ARID3A: variants seen among roughly 807,000 people sequenced by gnomAD.
ARID3A encodes the protein AT-rich interactive domain-containing protein 3A.
In ARID3A, 11 loss-of-function variants were observed where a neutral mutation model predicts 52.7. The ratio of observed to expected loss-of-function variants is 0.21; its 90% CI spans 0.13 to 0.35. The LOEUF (loss-of-function observed/expected upper bound fraction) is 0.35, where lower values mean the gene tolerates loss of function less well. Among genes scored for constraint, ARID3A ranks in the 10% least tolerant of loss-of-function variants. ARID3A has a pLI of 1.00. For missense variants in ARID3A, 721 were observed against 838.5 expected (o/e 0.86, Z 1.73); for synonymous variants, 404 against 359.4 (o/e 1.12, Z -1.40).
At chr19:951,309 C>G (rs2037798907) in intron 3 of ARID3A, among the ~76,000 whole-genome samples, 1 of 151,686 alleles carries the variant, frequency 6.6e-6, no homozygotes, top group African/African-American at 2.4e-5. Flanking sequence ...GTAATCCCAG[C>G]ACTTTGGGAG....
At chr19:971,406 G>A (rs1010616280) in intron 8 of ARID3A, among the ~76,000 whole-genome samples, 1 of 152,190 alleles carries the variant, frequency 6.6e-6, no homozygotes, top group African/African-American at 2.4e-5. Context: ...GAGGTCAGGA[G>A]TTGGAGACCA....
rs1012711103 is a variant in ARID3A at position 972,137 on chromosome 19, A to G, written c.*72A>G. 2.4e-5 allele frequency: 33 copies of G among 1,398,906 alleles called. No homozygotes were observed. Among genetic ancestry groups the G allele is most frequent in the Admixed American group, 1.0e-4 (3 of 29,574 alleles). 86.7% of individuals were successfully genotyped at this position (1,398,906 alleles called of 1,614,324 possible). A position where few individuals can be genotyped will look rare whatever the true frequency, so the allele number is the denominator to read the frequency against. On this transcript the variant is annotated 3_prime_UTR_variant, in exon 9 of 9. Transcript: ENST00000263620. Reference sequence around the variant, plus strand: ...GGCAGGGGGTCCAGGTGGGCCACACAGGGGCCAGGATGGCGGAAGATACGG... The same window carrying G: ...GGCAGGGGGTCCAGGTGGGCCACACGGGGGCCAGGATGGCGGAAGATACGG...
In ARID3A at chr19:942,156, G is replaced by A. The variant is rs1032318473; in HGVS notation, c.693+9414G>A. 6.6e-6 allele frequency among the ~76,000 whole-genome samples: 1 copy of A among 152,142 alleles called. No homozygotes were observed. Among genetic ancestry groups the A allele is most frequent in the Non-Finnish European group, 1.5e-5 (1 of 68,014 alleles). ...CAGTGGCCACCGAGCTATGGACAGG[G>A]CCGCTGGGGGTGCACCCCCACCCTC... On this transcript the variant is annotated intron_variant, in intron 3 of 8. Transcript: ENST00000263620. This position sits in a 1 kb window ranked among gnomAD's most constrained non-coding sequence, Gnocchi z 8.1.
intron 4 of ARID3A, among the ~76,000 whole-genome samples, chr19:961,132 G>T (rs558144137): frequency 1.1e-4 from 16 of 152,306 alleles, no homozygotes; most frequent in African/African-American, 2.6e-4. Flanking sequence ...CTGTTCAGAC[G>T]GGGGAGGAGG....
In ARID3A at chr19:932,433, G is replaced by A; in HGVS notation, c.384G>A (p.Glu128=). 6.3e-7 allele frequency: 1 copy of A among 1,592,390 alleles called. No homozygotes were observed. The highest frequency in any genetic ancestry group is 1.1e-5 in the South Asian group (1 of 88,810). ...ASDEDMKPKW[E]EEEMEEDLGE... ...CTCACCCCAGGAAGCCCAAATGGGA[G>A]GAGGAGGAGATGGAGGAAGACCTCG... Residue 128 remains glutamate, a synonymous_variant, in exon 3 of 9, where the codon GAG becomes GAA. Transcript: ENST00000263620.
At position 947,279 on chromosome 19, in the gene ARID3A, C is replaced by T. The variant is rs568686806; in HGVS notation, c.694-12813C>T. Among the ~76,000 whole-genome samples, 27 of 152,276 alleles carry T rather than the reference C, an allele frequency of 1.8e-4. 1 individual carries two copies. In the South Asian group the frequency reaches 1.9e-3, roughly 11 times the overall value. On this transcript the variant is annotated intron_variant, in intron 3 of 8. Transcript: ENST00000263620. The surrounding 1 kb of genome is among the most constrained non-coding windows in gnomAD (Gnocchi z 6.3). ...GGCTGCTTAAGGCCAGTGCCCTCGG[C>T]GGAGACTCTATTAGGGACTGCGGGC...
At position 941,779 on chromosome 19, in the gene ARID3A, CTGTGTG is replaced by C. The variant is rs34643064; in HGVS notation, c.693+9061_693+9066del. Among the ~76,000 whole-genome samples the C allele has an allele frequency of 1.8e-4, 26 of 146,264 alleles. No homozygotes were observed. Among genetic ancestry groups the C allele is most frequent in the South Asian group, 4.4e-4 (2 of 4,562 alleles). On this transcript the variant is annotated intron_variant, in intron 3 of 8. Transcript: ENST00000263620. The surrounding 1 kb of genome is among the most constrained non-coding windows in gnomAD (Gnocchi z 6.9). ...TCTCTTGTGTTTTGTGTGGATGTGG[CTGTGTG>C]TGTGTGTGTGTGTGTGTGTGTGTCA...
At chr19:927,321 G>C (rs530534115) in intron 1 of ARID3A, among the ~76,000 whole-genome samples, 302 of 148,910 alleles carry the variant, frequency 2.0e-3, no homozygotes, top group African/African-American at 7.2e-3. Flanking sequence ...CTTGGGGGGA[G>C]GGGTCTGAAG....
intron 3 of ARID3A, among the ~76,000 whole-genome samples, chr19:950,364 GA>G (rs2037780031): frequency 6.3e-5 from 4 of 63,142 alleles, no homozygotes; most frequent in South Asian, 5.1e-4. Flanking sequence ...ACGGATGGAT[GA>G]GGCCGTCCCC....
intron 3 of ARID3A, among the ~76,000 whole-genome samples, chr19:957,120 G>T (rs949585171): frequency 1.2e-4 from 19 of 152,184 alleles, no homozygotes; most frequent in African/African-American, 4.6e-4. Flanking sequence ...GGGTGGGGGG[G>T]GGCGCTGGGG....
chr19:965,991 C>CAAA (rs35807859), intron 6 of ARID3A, among the ~76,000 whole-genome samples: 2 of 106,584 alleles, frequency 1.9e-5, no homozygotes, highest in East Asian at 2.8e-4. Flanking sequence ...GACTCCGTGT[C>CAAA]AAAAAAAAAA....
In ARID3A at chr19:944,548, G is replaced by A. The variant is rs567075139; in HGVS notation, c.693+11806G>A. Among the ~76,000 whole-genome samples the A allele has an allele frequency of 1.3e-5, 2 of 152,252 alleles. No individual in the cohort carries two copies. Among genetic ancestry groups the A allele is most frequent in the East Asian group, 3.9e-4 (2 of 5,172 alleles). ...ATGTGGGTCTTCCGGGCAAGTGAGC[G>A]TCCCCCACCCAGGACCCCCGACCCC... On this transcript the variant is annotated intron_variant, in intron 3 of 8. Transcript: ENST00000263620. This position sits in a 1 kb window ranked among gnomAD's most constrained non-coding sequence, Gnocchi z 5.9.
rs115840234 is a variant in ARID3A at position 941,088 on chromosome 19, G to A, written c.693+8346G>A. 0.014 allele frequency among the ~76,000 whole-genome samples: 2,062 copies of A among 152,224 alleles called. 52 individuals carry two copies. The highest frequency in any genetic ancestry group is 0.044 in the African/African-American group (1,838 of 41,544). ...GCGGCCTGGCCCCACGCCCACCGCC[G>A]GCGTCCCACCCTGGTGGCTGCTGCC... On this transcript the variant is annotated intron_variant, in intron 3 of 8. Transcript: ENST00000263620. This position sits in a 1 kb window ranked among gnomAD's most constrained non-coding sequence, Gnocchi z 6.9.
In ARID3A at chr19:941,731, C is replaced by T. The variant is rs62132348; in HGVS notation, c.693+8989C>T. On this transcript the variant is annotated intron_variant, in intron 3 of 8. Transcript: ENST00000263620. The surrounding 1 kb of genome is among the most constrained non-coding windows in gnomAD (Gnocchi z 6.9). ...TCTCTGAAAGTGCTGGGATTACAGG[C>T]GTGAGCTGCTGTGCCGGACTGGTCT... is the stretch of plus-strand genomic sequence containing the variant. 0.084 allele frequency among the ~76,000 whole-genome samples: 12,753 copies of T among 151,748 alleles called. 635 individuals carry two copies. Among genetic ancestry groups the T allele is most frequent in the East Asian group, 0.27 (1,360 of 5,116 alleles).
chr19:943,981 G>GCT (rs2037616220), intron 3 of ARID3A, among the ~76,000 whole-genome samples: 1 of 151,038 alleles, frequency 6.6e-6, no homozygotes, highest in African/African-American at 2.4e-5. Flanking sequence ...CCTGCTGTAT[G>GCT]CCAGCCCGAC....
chr19:945,444 G>T (rs1186923257), intron 3 of ARID3A, among the ~76,000 whole-genome samples: 1 of 151,882 alleles, frequency 6.6e-6, no homozygotes, highest in East Asian at 2.0e-4. Context: ...GTCCAGGGCG[G>T]CCCCAGCCCA....
Position 932,642 on chromosome 19 carries a change from C to T in ARID3A, c.593C>T (p.Pro198Leu), listed in dbSNP as rs760487324. The T allele has an allele frequency of 2.0e-5, 31 of 1,539,436 alleles. No homozygotes were observed. Among genetic ancestry groups the T allele is most frequent in the Non-Finnish European group, 2.4e-5 (28 of 1,144,010 alleles). ...AGGGTGCTGGGGGGCCAGGAGCGGC[C>T]GGGGCCTGGCCCTGCCCACCCCGGA... is the stretch of plus-strand genomic sequence containing the variant. Reference protein sequence around the residue: ...VPRVLGGQERPGPGPAHPGGA... With the variant: ...VPRVLGGQERLGPGPAHPGGA... The change falls in exon 3 of 9, where the codon CCG becomes CTG. Residue 198 changes from proline (P) to leucine (L), a missense_variant. Physicochemically the swap from Pro to Leu is moderately conservative, Grantham distance 98. Around this residue, in one of 5 missense-constraint regions of ARID3A, gnomAD observed 349 missense variants for 297.3 expected, o/e 1.17. Coordinates refer to ENST00000263620, the MANE Select transcript of ARID3A (RefSeq NM_005224.3).
intron 2 of ARID3A, among the ~76,000 whole-genome samples, chr19:931,894 G>A (rs1046174790): frequency 1.3e-5 from 2 of 152,128 alleles, no homozygotes; most frequent in African/African-American, 4.8e-5. Context: ...GGGTGGGGCG[G>A]ATTTCAGATG....
At chr19:971,503 A>G (rs993743794) in intron 8 of ARID3A, among the ~76,000 whole-genome samples, 4 of 152,018 alleles carry the variant, frequency 2.6e-5, no homozygotes, top group African/African-American at 9.7e-5. Context: ...AGTCCCAGCT[A>G]CTCAGGAGGG....
Sources: allele counts gnomAD v4.1 joint callset (sites outside exome capture counted in the v4.1 genomes callset), GRCh38; gene constraint gnomAD v4.1.1; regional missense constraint gnomAD v4.1.1; non-coding constraint Gnocchi (gnomAD v3.1); transcripts MANE v1.5; gene names NCBI Gene and HGNC (gene_info 2026-07-23, HGNC 2026-07-21).